Variants in CCDC14 observed in about 807,000 individuals in gnomAD.
CCDC14 encodes the protein coiled-coil domain containing 14.
CCDC14 carries 71 observed loss-of-function variants against 81.4 expected under a neutral mutation model. The observed-to-expected ratio is 0.87, with a 90% CI of 0.72 to 1.06. The LOEUF (loss-of-function observed/expected upper bound fraction) is 1.06. Ranked by LOEUF, CCDC14 falls within the 50% of genes least tolerant of loss-of-function variation. The pLI, the probability that CCDC14 is intolerant of heterozygous loss-of-function variation, is 0.00. For missense variants in CCDC14, 1,046 were observed against 1,047.3 expected, an observed-to-expected ratio of 1.00 and a Z score of 0.02; for synonymous variants, 332 against 364.8, an observed-to-expected ratio of 0.91 and a Z score of 1.03.
intron 5 of CCDC14, chr3:123,954,447 T>C (rs981817225): frequency 6.6e-6 from 1 of 152,186 alleles, no homozygotes. Flanking sequence ...CTGTAGTGTA[T>C]TGAGCTTAGA....
At chr3:123,932,028 G>C (rs1297149048) in intron 10 of CCDC14, among the ~76,000 whole-genome samples, 1 of 151,980 alleles carries the variant, frequency 6.6e-6, no homozygotes, top group African/African-American at 2.4e-5. Flanking sequence ...CAAACACATA[G>C]ATCTATCACG....
rs75575654 is a variant in CCDC14, at chr3:123,904,958, A to T, written c.668-7345T>A. On this transcript the variant is annotated intron_variant, in intron 5 of 5. Coordinates refer to the CCDC14 transcript ENST00000479903. ...TTTTACCTGATATGAAGACATTATA[A>T]ATCTGCAATAATTAAAAGTATGGTA... Among the ~76,000 whole-genome samples, 92 of 152,332 alleles carry T rather than the reference A, an allele frequency of 6.0e-4. 2 individuals carry two copies. In the South Asian group the frequency reaches 0.011, roughly 18 times the overall value.
chr3:123,945,283 T>C (rs563707418), intron 8 of CCDC14, among the ~76,000 whole-genome samples: 36 of 152,184 alleles, frequency 2.4e-4, no homozygotes, highest in Admixed American at 2.0e-3. Context: ...AGTAGGAATG[T>C]GGCTTACACA....
intron 12 of CCDC14, among the ~76,000 whole-genome samples, chr3:123,927,622 G>A: frequency 6.6e-6 from 1 of 151,732 alleles, no homozygotes. Context: ...TTTATGCCCA[G>A]CATAAAAACG....
At chr3:123,899,596 T>C (rs1231192880) in intron 5 of CCDC14, among the ~76,000 whole-genome samples, 9 of 152,330 alleles carry the variant, frequency 5.9e-5, no homozygotes, top group African/African-American at 2.2e-4. Context: ...ATTTCCTACC[T>C]ATGCAGATGG....
At position 123,915,219 on chromosome 3, in the gene CCDC14, T is replaced by G. The variant is rs2034590042; in HGVS notation, c.2278A>C (p.Thr760Pro). 1.2e-6 allele frequency: 2 copies of G among 1,613,660 alleles called. No individual in the cohort carries two copies. The highest frequency in any genetic ancestry group is 2.7e-5 in the African/African-American group (2 of 74,914). ...SPQPQIRAAT[T>P]QLVSNSGLAV... ...AGTCCGCTGTTGCTGACTAGCTGTG[T>G]TGTAGCTGCTCTTATTTGTGGCTGA... The change falls in exon 13 of 13, where the codon ACA becomes CCA. Residue 760 changes from threonine (T) to proline (P), a missense_variant. By Grantham distance (38) the Thr-to-Pro change is conservative. Transcript: ENST00000409697.
chr3:123,944,030 T>C (rs954128576), intron 9 of CCDC14, among the ~76,000 whole-genome samples: 1 of 152,110 alleles, frequency 6.6e-6, no homozygotes, highest in Non-Finnish European at 1.5e-5. Context: ...GGGCTTGTGA[T>C]TGGCATTGGA....
chr3:123,886,418 A>G, the CCDC14 span, among the ~76,000 whole-genome samples: 1 of 135,802 alleles, frequency 7.4e-6, no homozygotes, highest in African/African-American at 2.8e-5. Context: ...CTTTTCTTTC[A>G]GATGGAGTCT....
chr3:123,954,171 G>T (rs2037199166), intron 5 of CCDC14: 1 of 152,166 alleles, frequency 6.6e-6, no homozygotes, highest in Admixed American at 6.6e-5. Flanking sequence ...GGAGGAACAG[G>T]TGCTACCGCT....
chr3:123,921,981 C>T (rs756321452), intron 12 of CCDC14, among the ~76,000 whole-genome samples: 36 of 152,108 alleles, frequency 2.4e-4, no homozygotes, highest in Non-Finnish European at 4.7e-4. Flanking sequence ...CATGTTAGAC[C>T]ACAAAATAAG....
At chr3:123,912,490 G>A (rs572032420), downstream of CCDC14, among the ~76,000 whole-genome samples, 5 of 152,224 alleles carry the variant, frequency 3.3e-5, no homozygotes, top group East Asian at 9.6e-4. Flanking sequence ...AAACCTTGGA[G>A]TCATCTTTGA....
intron 9 of CCDC14, among the ~76,000 whole-genome samples, chr3:123,934,670 G>A (rs1178722304): frequency 6.6e-6 from 1 of 152,130 alleles, no homozygotes. Flanking sequence ...AGAAACATAT[G>A]CAAGTGTTTT....
intron 9 of CCDC14, among the ~76,000 whole-genome samples, chr3:123,934,596 T>C (rs980307855): frequency 6.6e-6 from 1 of 152,188 alleles, no homozygotes; most frequent in Non-Finnish European, 1.5e-5. Flanking sequence ...GTAACGAGAA[T>C]ATTAACAGGC....
At chr3:123,949,535 T>C (rs1028822413) in intron 5 of CCDC14, 2 of 159,024 alleles carry the variant, frequency 1.3e-5, no homozygotes, top group Admixed American at 1.2e-4. Context: ...ACAATTCTGA[T>C]GCTTTGGGTC....
intron 10 of CCDC14, among the ~76,000 whole-genome samples, chr3:123,931,935 T>G (rs559957687): frequency 3.9e-5 from 6 of 152,208 alleles, no homozygotes; most frequent in Non-Finnish European, 7.3e-5. Flanking sequence ...CACTTTTACA[T>G]ATGGTATTAA....
At chr3:123,927,372 G>A (rs898368262) in intron 12 of CCDC14, among the ~76,000 whole-genome samples, 9 of 151,938 alleles carry the variant, frequency 5.9e-5, no homozygotes, top group Non-Finnish European at 1.2e-4. Context: ...AGCTGTGATC[G>A]CACCACTGGA....
intron 10 of CCDC14, chr3:123,933,421 G>C (rs1270064733): frequency 2.3e-6 from 1 of 441,066 alleles, no homozygotes; most frequent in Admixed American, 3.9e-5. Flanking sequence ...GCACACAGTA[G>C]GTATTCAGTA....
downstream of CCDC14, among the ~76,000 whole-genome samples, chr3:123,893,473 A>G (rs569201069): frequency 6.6e-5 from 10 of 152,172 alleles, no homozygotes; most frequent in Non-Finnish European, 1.0e-4. Context: ...TCTTCTGTTA[A>G]TGGACATTTG....
intron 9 of CCDC14, among the ~76,000 whole-genome samples, chr3:123,936,358 T>G (rs1462162060): frequency 1.3e-5 from 2 of 152,138 alleles, no homozygotes; most frequent in Non-Finnish European, 2.9e-5. Flanking sequence ...GGCAAATATT[T>G]CTTTTATTCA....
Sources: allele counts gnomAD v4.1 joint callset (sites outside exome capture counted in the v4.1 genomes callset), GRCh38; gene constraint gnomAD v4.1.1; transcripts MANE v1.5; gene names NCBI Gene and HGNC (gene_info 2026-07-23, HGNC 2026-07-21).